The following MYLK4 variants were observed in gnomAD, a reference collection of about 807,000 sequenced individuals.
MYLK4 encodes the protein caMLCK like.
MYLK4 carries 46 observed loss-of-function variants against 48.1 expected under a neutral mutation model. That is an observed-to-expected ratio of 0.96 (90% CI 0.75 to 1.22). MYLK4 has a LOEUF of 1.22. MYLK4 is among the 50% of genes most tolerant of loss of function. MYLK4 has a pLI of 0.00. For missense variants in MYLK4, 451 were observed against 486.1 expected (o/e 0.93, Z 0.68); for synonymous variants, 170 against 180.8 (o/e 0.94, Z 0.48).
upstream of MYLK4, among the ~76,000 whole-genome samples, chr6:2,754,813 C>T (rs181311932): frequency 3.3e-5 from 5 of 152,318 alleles, no homozygotes; most frequent in African/African-American, 1.2e-4. Flanking sequence ...ATATTCCACA[C>T]TTGCCAGGTC....
chr6:2,765,832 G>T, the MYLK4 span: 1 of 1,369,166 alleles, frequency 7.3e-7, no homozygotes, highest in African/African-American at 1.5e-5. Flanking sequence ...CCGGCGCCAA[G>T]AGGCGGCGGC....
intron 2 of MYLK4, among the ~76,000 whole-genome samples, chr6:2,734,849 T>C (rs1763612536): frequency 6.6e-6 from 1 of 152,138 alleles, no homozygotes; most frequent in South Asian, 2.1e-4. Context: ...TGCACATACA[T>C]GAGTCATTCA....
chr6:2,700,926 A>G (rs1053578533), intron 2 of MYLK4, among the ~76,000 whole-genome samples: 1 of 152,224 alleles, frequency 6.6e-6, no homozygotes, highest in Admixed American at 6.5e-5. Context: ...TAAAAACTAT[A>G]CATCAAGGGA....
In MYLK4 at chr6:2,672,754, G is replaced by GCAT. The variant is rs1760949704; in HGVS notation, c.1120-1409_1120-1407dup. 6.6e-6 allele frequency among the ~76,000 whole-genome samples: 1 copy of GCAT among 152,188 alleles called. No individual in the cohort carries two copies. Among genetic ancestry groups the GCAT allele is most frequent in the Non-Finnish European group, 1.5e-5 (1 of 68,020 alleles). On this transcript the variant is annotated intron_variant, in intron 11 of 12. Coordinates refer to ENST00000274643, the MANE Select transcript of MYLK4 (RefSeq NM_001012418.5). This position sits in a 1 kb window ranked among gnomAD's most constrained non-coding sequence, Gnocchi z 4.3. ...GTATGGTACAAGAAAGGCTCTGGAA[G>GCAT]CATCGCTCAGGTCCCCTGTACCCAG...
In MYLK4 at chr6:2,665,669, T is replaced by C. The variant is rs1023841724; in HGVS notation, c.*2256A>G. 7.2e-5 allele frequency: 11 copies of C among 152,176 alleles called. No homozygotes were observed. Among genetic ancestry groups the C allele is most frequent in the African/African-American group, 2.2e-4 (9 of 41,448 alleles). The allele number at this position is 152,176 out of a possible 1,614,324, so 9.4% of individuals were successfully genotyped here. A position where few individuals can be genotyped will look rare whatever the true frequency, so the allele number is the denominator to read the frequency against. On this transcript the variant is annotated 3_prime_UTR_variant, in exon 13 of 13. Transcript: ENST00000274643. ...AGTCAGAAGGGAAGGTGGATGCAAA[T>C]TGCACGTCGTGCAAAAGATCTCCTG...
chr6:2,680,598 T>G lies in MYLK4; in HGVS notation c.688-307A>C, dbSNP rs1014314465. On this transcript the variant is annotated intron_variant, in intron 7 of 12. Coordinates refer to ENST00000274643, the MANE Select transcript of MYLK4 (RefSeq NM_001012418.5). Reference sequence around the variant, plus strand: ...AGGTTGCTTCAGTCCTTCCCAAATGTGCTGTGGAGGCCCGCTCAGGCCTGA... The same window carrying G: ...AGGTTGCTTCAGTCCTTCCCAAATGGGCTGTGGAGGCCCGCTCAGGCCTGA... 18 of 984,650 alleles carry G rather than the reference T, an allele frequency of 1.8e-5. No individual in the cohort carries two copies. In the African/African-American group the frequency reaches 3.1e-4, roughly 17 times the overall value. 61.0% of individuals were successfully genotyped at this position (984,650 alleles called of 1,614,324 possible). A position where few individuals can be genotyped will look rare whatever the true frequency, so the allele number is the denominator to read the frequency against.
At chr6:2,676,083 T>C (rs1761070695) in intron 10 of MYLK4, among the ~76,000 whole-genome samples, 1 of 120,706 alleles carries the variant, frequency 8.3e-6, no homozygotes, top group Non-Finnish European at 1.7e-5. Context: ...CAGTGTGAGA[T>C]TCTGTCTCAA....
chr6:2,694,871 T>A (rs1274588576), intron 2 of MYLK4, among the ~76,000 whole-genome samples: 1 of 152,048 alleles, frequency 6.6e-6, no homozygotes, highest in Non-Finnish European at 1.5e-5. Flanking sequence ...CTTCAGCCAG[T>A]GCACCTAACT....
At chr6:2,694,777 C>G (rs907639243) in intron 2 of MYLK4, among the ~76,000 whole-genome samples, 1 of 151,952 alleles carries the variant, frequency 6.6e-6, no homozygotes, top group Admixed American at 6.6e-5. Context: ...TACTATTAGC[C>G]CCATCGTACA....
the MYLK4 span, chr6:2,766,267 C>A: frequency 4.5e-6 from 7 of 1,562,778 alleles, no homozygotes; most frequent in Non-Finnish European, 5.2e-6. Flanking sequence ...CGCTGGCTGC[C>A]GAGGAGATCC....
chr6:2,678,442 T>G, intron 9 of MYLK4, 70 bp from the exon 10 acceptor site: 1 of 1,527,378 alleles, frequency 6.5e-7, no homozygotes, highest in South Asian at 1.2e-5. Context: ...AGATTGCTTT[T>G]CTGGTTGTGC....
intron 2 of MYLK4, among the ~76,000 whole-genome samples, chr6:2,706,466 C>T (rs1762493412): frequency 6.6e-6 from 1 of 151,932 alleles, no homozygotes; most frequent in African/African-American, 2.4e-5. Flanking sequence ...TGCATTTGTC[C>T]AAACTCATCA....
intron 2 of MYLK4, among the ~76,000 whole-genome samples, chr6:2,709,342 G>A (rs1310845884): frequency 2.6e-5 from 4 of 152,144 alleles, no homozygotes; most frequent in South Asian, 2.1e-4. Context: ...TTGCCTTCCC[G>A]TTGTTTCAGT....
chr6:2,718,995 C>A (rs569519387), intron 2 of MYLK4, among the ~76,000 whole-genome samples: 1 of 152,182 alleles, frequency 6.6e-6, no homozygotes, highest in South Asian at 2.1e-4. Flanking sequence ...TCTGGACTCA[C>A]GATGTGGTCC....
In MYLK4 at chr6:2,672,829, C is replaced by T. The variant is rs1009929684; in HGVS notation, c.1120-1481G>A. 2.6e-5 allele frequency among the ~76,000 whole-genome samples: 4 copies of T among 152,172 alleles called. No individual in the cohort carries two copies. Among genetic ancestry groups the T allele is most frequent in the African/African-American group, 9.7e-5 (4 of 41,434 alleles). Reference sequence around the variant, plus strand: ...GAGCAGTGAGGCTCTGCCCGGACTCCAGAGCTCAGCCCTGTCCTGAGTGTT... The same window carrying T: ...GAGCAGTGAGGCTCTGCCCGGACTCTAGAGCTCAGCCCTGTCCTGAGTGTT... On this transcript the variant is annotated intron_variant, in intron 11 of 12. Coordinates refer to ENST00000274643, the MANE Select transcript of MYLK4 (RefSeq NM_001012418.5). The surrounding 1 kb of genome is among the most constrained non-coding windows in gnomAD (Gnocchi z 4.3).
At chr6:2,727,912 G>A (rs7765053) in intron 2 of MYLK4, among the ~76,000 whole-genome samples, 27,390 of 145,562 alleles carry the variant, frequency 0.19, 2,956 homozygotes, top group African/African-American at 0.3. Flanking sequence ...ACGCCACTGC[G>A]CTCCAGCCTG....
chr6:2,706,016 A>G (rs1762473731), intron 2 of MYLK4, among the ~76,000 whole-genome samples: 1 of 152,274 alleles, frequency 6.6e-6, no homozygotes, highest in East Asian at 1.9e-4. Flanking sequence ...AATTTTAATA[A>G]TGTTTAAAAT....
At chr6:2,693,669 CA>C (rs1301969190) in intron 2 of MYLK4, among the ~76,000 whole-genome samples, 1 of 151,854 alleles carries the variant, frequency 6.6e-6, no homozygotes. Flanking sequence ...CCCTTTGAAA[CA>C]CAACATAATC....
intron 2 of MYLK4, among the ~76,000 whole-genome samples, chr6:2,739,318 G>A (rs559115315): frequency 4.7e-4 from 72 of 152,314 alleles, no homozygotes; most frequent in African/African-American, 1.7e-3. Flanking sequence ...AATTAATACA[G>A]AATCTAGGCA....
Sources: allele counts gnomAD v4.1 joint callset (sites outside exome capture counted in the v4.1 genomes callset), GRCh38; gene constraint gnomAD v4.1.1; non-coding constraint Gnocchi (gnomAD v3.1); transcripts MANE v1.5; gene names NCBI Gene and HGNC (gene_info 2026-07-23, HGNC 2026-07-21).